CHST15: variants seen among roughly 807,000 people sequenced by gnomAD.
The protein encoded by CHST15 is B cell RAG associated protein (GALNAC4S-6ST).
A neutral mutation model predicts 53.6 loss-of-function variants in CHST15; 30 were observed. The ratio of observed to expected loss-of-function variants is 0.56; its 90% CI spans 0.42 to 0.76. The LOEUF (loss-of-function observed/expected upper bound fraction) is 0.76, where lower values mean the gene tolerates loss of function less well. Ranked by LOEUF, CHST15 falls within the 30% of genes least tolerant of loss-of-function variation. The pLI, the probability that CHST15 is intolerant of heterozygous loss-of-function variation, is 0.00. For missense variants in CHST15, 627 were observed against 740.5 expected (o/e 0.85, Z 1.78); for synonymous variants, 296 against 289.8 (o/e 1.02, Z -0.22).
intron 1 of CHST15, among the ~76,000 whole-genome samples, chr10:124,077,278 T>C (rs549034344): frequency 6.6e-6 from 1 of 152,352 alleles, no homozygotes; most frequent in Non-Finnish European, 1.5e-5. Context: ...TCTTACATTC[T>C]ATACCAGGAA....
rs183100803 is a variant in CHST15 at position 124,027,205 on chromosome 10, T to C, written c.1191-5793A>G. Among the ~76,000 whole-genome samples, 5 of 152,256 alleles carry C rather than the reference T, an allele frequency of 3.3e-5. No homozygotes were observed. The East Asian group carries it at 9.7e-4, about 29-fold the overall frequency. On this transcript the variant is annotated intron_variant, in intron 5 of 7. Coordinates refer to ENST00000435907, the MANE Select transcript of CHST15 (RefSeq NM_001270764.2). ...GCCCCTCACACTGGGCCCGTGCTCA[T>C]GGGGTACTGCTCAGCCCCTTTCCTG... is the stretch of plus-strand genomic sequence containing the variant.
intron 1 of CHST15, among the ~76,000 whole-genome samples, chr10:124,055,908 C>T (rs4366426): frequency 0.28 from 42,362 of 152,038 alleles, 6,315 homozygotes; most frequent in South Asian, 0.42. Flanking sequence ...ACCCGGAACC[C>T]CTCAACAATG....
chr10:124,067,880 G>T (rs983458158), intron 1 of CHST15, among the ~76,000 whole-genome samples: 1 of 152,204 alleles, frequency 6.6e-6, no homozygotes, highest in Admixed American at 6.5e-5. Context: ...CTCCCAGAGT[G>T]CTGGGATTAC....
At chr10:124,070,662 AT>A (rs1293161058) in intron 1 of CHST15, among the ~76,000 whole-genome samples, 1 of 152,126 alleles carries the variant, frequency 6.6e-6, no homozygotes, top group Non-Finnish European at 1.5e-5. Flanking sequence ...GGAGTGAGCC[AT>A]TGTGCCCGGC....
Position 124,046,166 on chromosome 10 carries a change from G to A in CHST15, c.47C>T (p.Ala16Val), listed in dbSNP as rs1947998007. 4 of 1,613,736 alleles carry A rather than the reference G, an allele frequency of 2.5e-6. No homozygotes were observed. The South Asian group carries it at 4.4e-5, about 18-fold the overall frequency. ...NCCIQLLPDG[A>V]HKQQVNCQGG... is the part of the protein sequence containing the mutation. ...TTGGCAGTTGACCTGCTGCTTGTGT[G>A]CGCCGTCGGGTAACAGCTGTATGCA... The change falls in exon 2 of 8, where the codon GCA (alanine) becomes GTA (valine). Residue 16 changes from alanine to valine, a missense_variant. Physicochemically the swap from Ala to Val is moderately conservative, Grantham distance 64. This residue lies in a region of CHST15 where 187 missense variants were observed against 251.8 expected (regional missense o/e 0.74). Coordinates refer to ENST00000435907, the MANE Select transcript of CHST15 (RefSeq NM_001270764.2).
At chr10:124,038,715 G>C in intron 4 of CHST15, 44 bp from the exon 5 acceptor site, 1 of 1,602,752 alleles carries the variant, frequency 6.2e-7, no homozygotes. Flanking sequence ...TGTGATTCAG[G>C]CTCCCACGGA....
intron 5 of CHST15, among the ~76,000 whole-genome samples, chr10:124,027,000 T>TGAGTTTCAGGGCTGCCCAGCCCC (rs1590207492): frequency 6.6e-6 from 1 of 152,128 alleles, no homozygotes; most frequent in African/African-American, 2.4e-5. Flanking sequence ...CTCCCAGCCC[T>TGAGTTTCAGGGCTGCCCAGCCCC]GAGTTTCAGG....
chr10:124,070,891 T>C (rs983936217), intron 1 of CHST15, among the ~76,000 whole-genome samples: 11 of 152,198 alleles, frequency 7.2e-5, no homozygotes, highest in South Asian at 2.1e-4. Flanking sequence ...TGCGAGTCCC[T>C]GCCTGCCACA....
chr10:124,031,847 G>A (rs746249771), intron 5 of CHST15, among the ~76,000 whole-genome samples: 3 of 152,118 alleles, frequency 2.0e-5, no homozygotes, highest in Admixed American at 2.0e-4. Context: ...TAAGTTTCTT[G>A]TCCCAGTTTA....
intron 1 of CHST15, among the ~76,000 whole-genome samples, chr10:124,062,991 G>C (rs1335771626): frequency 1.3e-5 from 2 of 152,134 alleles, no homozygotes; most frequent in East Asian, 1.9e-4. Flanking sequence ...GGCTGGGAGA[G>C]AGCCCTTCTC....
At position 124,024,801 on chromosome 10, in the gene CHST15, T is replaced by A. The variant is rs773386764; in HGVS notation, c.1191-3389A>T. ...AGGTTTGGCTGTGTGCACTGAGGGG[T>A]GCCAGGTGGCAATTGGTCTGAGGGG... On this transcript the variant is annotated intron_variant, in intron 5 of 7. Transcript: ENST00000435907. The surrounding 1 kb of genome is among the most constrained non-coding windows in gnomAD (Gnocchi z 4.0). Among the ~76,000 whole-genome samples, 1 of 152,148 alleles carries A rather than the reference T, an allele frequency of 6.6e-6. No individual in the cohort carries two copies. The highest frequency in any genetic ancestry group is 1.5e-5 in the Non-Finnish European group (1 of 68,026).
chr10:124,091,427 C>T (rs1443950513), intron 1 of CHST15, among the ~76,000 whole-genome samples: 35 of 152,168 alleles, frequency 2.3e-4, no homozygotes, highest in South Asian at 6.2e-4. Context: ...ATCTCTAGGC[C>T]TCAGTTTACT....
At position 124,024,814 on chromosome 10, in the gene CHST15, T is replaced by G. The variant is rs1946933103; in HGVS notation, c.1191-3402A>C. 6.6e-6 allele frequency among the ~76,000 whole-genome samples: 1 copy of G among 152,190 alleles called. No individual in the cohort carries two copies. The highest frequency in any genetic ancestry group is 6.5e-5 in the Admixed American group (1 of 15,286). ...TGCACTGAGGGGTGCCAGGTGGCAA[T>G]TGGTCTGAGGGGTACCCTTCCTGGC... On this transcript the variant is annotated intron_variant, in intron 5 of 7. Transcript: ENST00000435907. This position sits in a 1 kb window ranked among gnomAD's most constrained non-coding sequence, Gnocchi z 4.0.
intron 1 of CHST15, among the ~76,000 whole-genome samples, chr10:124,080,062 T>G (rs1949188435): frequency 6.6e-6 from 1 of 152,190 alleles, no homozygotes; most frequent in South Asian, 2.1e-4. Context: ...GACAGGGATG[T>G]TGGGGTTTTG....
chr10:124,059,317 T>G (rs1023407918), intron 1 of CHST15, among the ~76,000 whole-genome samples: 6 of 152,184 alleles, frequency 3.9e-5, no homozygotes, highest in African/African-American at 1.4e-4. Context: ...AGTGACCCAT[T>G]TTCAGAATAG....
chr10:124,086,653 C>T (rs985442436), intron 1 of CHST15, among the ~76,000 whole-genome samples: 1 of 133,334 alleles, frequency 7.5e-6, no homozygotes, highest in Non-Finnish European at 1.6e-5. Context: ...TTTCCACCTG[C>T]CTTCCTCCTC....
At chr10:124,053,510 T>C (rs74570238) in intron 1 of CHST15, among the ~76,000 whole-genome samples, 1 of 151,656 alleles carries the variant, frequency 6.6e-6, no homozygotes, top group Non-Finnish European at 1.5e-5. Context: ...TTTTTTTTTT[T>C]CAAGACAGAG....
chr10:124,038,521 A>G lies in CHST15; in HGVS notation c.1184T>C (p.Val395Ala). The G allele has an allele frequency of 6.2e-7, 1 of 1,614,126 alleles. No homozygotes were observed. The highest frequency in any genetic ancestry group is 8.5e-7 in the Non-Finnish European group (1 of 1,179,970). Residue 395 changes from valine (V) to alanine (A), a missense_variant, in exon 5 of 8, where the codon GTG (valine) becomes GCG (alanine). This residue lies in a region of CHST15 where 279 missense variants were observed against 371.6 expected (regional missense o/e 0.75). Coordinates refer to ENST00000435907, the MANE Select transcript of CHST15 (RefSeq NM_001270764.2). ...ARLIVMLRDP[V>A]ERLYSDYLYF... ...ACACACAGAAACTGCTCACCTCTCC[A>G]CAGGGTCCCTGAGCATGACAATCAG...
intron 6 of CHST15, among the ~76,000 whole-genome samples, chr10:124,013,420 G>A (rs534887277): frequency 5.9e-5 from 9 of 152,294 alleles, no homozygotes; most frequent in South Asian, 4.1e-4. Flanking sequence ...CACTAACACC[G>A]TCCATGACTC....
Sources: gnomAD v4.1 joint callset for allele counts (sites outside exome capture counted in the v4.1 genomes callset) on GRCh38, gnomAD v4.1.1 for gene constraint, gnomAD v4.1.1 regional missense constraint, Gnocchi (gnomAD v3.1) non-coding constraint, MANE v1.5 for transcripts, NCBI Gene and HGNC (gene_info 2026-07-23, HGNC 2026-07-21) for gene names.